The following RBFOX1 variants were observed in gnomAD, a reference collection of about 807,000 sequenced individuals.
RBFOX1 encodes RNA binding fox-1 homolog 1.
RBFOX1 carries 8 observed loss-of-function variants against 57.7 expected under a neutral mutation model. That is an observed-to-expected ratio of 0.14 (90% CI 0.08 to 0.25). The LOEUF (loss-of-function observed/expected upper bound fraction) is 0.25, where lower values mean the gene tolerates loss of function less well. Ranked by LOEUF, RBFOX1 falls within the 10% of genes least tolerant of loss-of-function variation. The probability of loss-of-function intolerance (pLI) is 1.00; values close to 1 mark genes in which losing one functional copy is unlikely to be tolerated. For synonymous variants in RBFOX1, 326 were observed against 222.4 expected (o/e 1.47, Z -4.15); for missense variants, 611 against 548.5 (o/e 1.11, Z -1.14).
Position 5,815,382 on chromosome 16 carries a change from C to T in RBFOX1, c.319-51921C>T, listed in dbSNP as rs559031731. ...TCCCCTGTTTGGAGACCCCAGTGGT[C>T]AGTAGCTGGCCAGGGCCTGACTTCA... On this transcript the variant is annotated intron_variant, in intron 3 of 19. Coordinates refer to the RBFOX1 transcript ENST00000641259. Among the ~76,000 whole-genome samples, 4 of 152,174 alleles carry T rather than the reference C, an allele frequency of 2.6e-5. No individual in the cohort carries two copies. In the East Asian group the frequency reaches 7.7e-4, roughly 29 times the overall value.
At chr16:7,450,271 G>A (rs575090414) in intron 4 of RBFOX1, among the ~76,000 whole-genome samples, 51 of 151,322 alleles carry the variant, frequency 3.4e-4, no homozygotes, top group African/African-American at 2.4e-5. Context: ...ACATACGCCT[G>A]TAATCCCAGC....
At chr16:5,530,019 A>T (rs1317519907) in intron 2 of RBFOX1, among the ~76,000 whole-genome samples, 1 of 152,180 alleles carries the variant, frequency 6.6e-6, no homozygotes, top group African/African-American at 2.4e-5. Context: ...CCTGAGAAGG[A>T]ACCAACCATG....
At chr16:6,239,964 G>A (rs960918864) in intron 1 of RBFOX1, among the ~76,000 whole-genome samples, 2 of 152,162 alleles carry the variant, frequency 1.3e-5, no homozygotes, top group African/African-American at 4.8e-5. Context: ...GGTTGTGGGA[G>A]TGGATCTCTC....
chr16:5,245,819 A>C (rs2151067122), intron 1 of RBFOX1, among the ~76,000 whole-genome samples: 1 of 152,388 alleles, frequency 6.6e-6, no homozygotes, highest in South Asian at 2.1e-4. Context: ...AACTTCATCA[A>C]AATCCAATCA....
chr16:5,568,065 A>G (rs936603182), intron 2 of RBFOX1, among the ~76,000 whole-genome samples: 2 of 152,112 alleles, frequency 1.3e-5, no homozygotes, highest in Non-Finnish European at 2.9e-5. Context: ...TAAAACACAG[A>G]TCTGATCCCA....
At chr16:5,453,965 C>T (rs867202404) in intron 1 of RBFOX1, among the ~76,000 whole-genome samples, 2 of 151,988 alleles carry the variant, frequency 1.3e-5, no homozygotes, top group African/African-American at 4.8e-5. Context: ...GGGGGAGGAA[C>T]ATTCTAGGCA....
intron 3 of RBFOX1, among the ~76,000 whole-genome samples, chr16:5,839,904 A>G (rs2056574556): frequency 6.6e-6 from 1 of 152,208 alleles, no homozygotes; most frequent in Non-Finnish European, 1.5e-5. Flanking sequence ...GGTAACCCCT[A>G]TGAGCAATCA....
chr16:5,577,976 AG>A (rs2046525289), intron 2 of RBFOX1, among the ~76,000 whole-genome samples: 2 of 2,538 alleles, frequency 7.9e-4, no homozygotes, highest in African/African-American at 1.9e-3. Flanking sequence ...CTTTTGAGAC[AG>A]AGTCTCTCTC....
At chr16:5,379,075 C>T (rs2066064742) in intron 1 of RBFOX1, among the ~76,000 whole-genome samples, 1 of 151,396 alleles carries the variant, frequency 6.6e-6, no homozygotes, top group African/African-American at 2.5e-5. Flanking sequence ...AAAGTAATGG[C>T]AAAAACTGCA....
chr16:6,016,401 T>C (rs2094994065), upstream of RBFOX1, among the ~76,000 whole-genome samples: 2 of 152,096 alleles, frequency 1.3e-5, no homozygotes, highest in African/African-American at 4.8e-5. Context: ...TACAAAAGAT[T>C]GGATACAACA....
intron 4 of RBFOX1, among the ~76,000 whole-genome samples, chr16:7,114,209 G>A (rs1174235592): frequency 6.6e-6 from 1 of 152,128 alleles, no homozygotes; most frequent in Non-Finnish European, 1.5e-5. Flanking sequence ...AGGTGCTAAG[G>A]TTGCAAATTA....
At chr16:7,580,999 G>A (rs2093716501) in intron 6 of RBFOX1, among the ~76,000 whole-genome samples, 1 of 151,154 alleles carries the variant, frequency 6.6e-6, no homozygotes, top group Non-Finnish European at 1.5e-5. Flanking sequence ...TCCTAGCCAA[G>A]TTGGTGGTGT....
At chr16:5,456,857 C>T (rs1001685388) in intron 1 of RBFOX1, among the ~76,000 whole-genome samples, 2 of 152,194 alleles carry the variant, frequency 1.3e-5, no homozygotes, top group Non-Finnish European at 2.9e-5. Context: ...CGCCTTGCCT[C>T]AAGCCACTCC....
intron 3 of RBFOX1, among the ~76,000 whole-genome samples, chr16:6,831,812 C>T (rs1242208919): frequency 6.6e-6 from 1 of 152,132 alleles, no homozygotes; most frequent in Non-Finnish European, 1.5e-5. Flanking sequence ...CAAGACCCAG[C>T]ACTTGGGGAA....
chr16:6,766,204 C>A (rs974210827), intron 3 of RBFOX1, among the ~76,000 whole-genome samples: 3 of 152,072 alleles, frequency 2.0e-5, no homozygotes, highest in Middle Eastern at 3.4e-3. Context: ...TGAATAAGAG[C>A]CCTTCAGTCC....
chr16:7,700,317 G>A (rs1193807588), intron 14 of RBFOX1, among the ~76,000 whole-genome samples: 1 of 152,036 alleles, frequency 6.6e-6, no homozygotes, highest in East Asian at 1.9e-4. Flanking sequence ...CCTCACTGTA[G>A]CCTTGTACGA....
chr16:7,627,909 T>A (rs2060326416), intron 10 of RBFOX1, among the ~76,000 whole-genome samples: 2 of 141,336 alleles, frequency 1.4e-5, no homozygotes, highest in Non-Finnish European at 3.0e-5. Flanking sequence ...AATCATTGCA[T>A]AAAGATTTTT....
chr16:6,748,837 A>G (rs1383498609), intron 3 of RBFOX1: 1 of 152,184 alleles, frequency 6.6e-6, no homozygotes, highest in Non-Finnish European at 1.5e-5. Flanking sequence ...TACCTTCTAG[A>G]TGCTAGAATT....
intron 3 of RBFOX1, among the ~76,000 whole-genome samples, chr16:6,882,776 C>T (rs2063216422): frequency 6.6e-6 from 1 of 151,946 alleles, no homozygotes; most frequent in Admixed American, 6.6e-5. Context: ...AACGCAAGAC[C>T]AGGATGCAAG....
Sources: allele counts gnomAD v4.1 joint callset (sites outside exome capture counted in the v4.1 genomes callset), GRCh38; gene constraint gnomAD v4.1.1; transcripts MANE v1.5; gene names NCBI Gene and HGNC (gene_info 2026-07-23, HGNC 2026-07-21).